The following TTC9C variants were observed in gnomAD, a reference collection of about 807,000 sequenced individuals.
TTC9C encodes the protein tetratricopeptide repeat protein 9C.
A neutral mutation model predicts 22.5 loss-of-function variants in TTC9C; 15 were observed. The ratio of observed to expected loss-of-function variants is 0.67; its 90% CI spans 0.45 to 1.03. The LOEUF is 1.03. Ranked by LOEUF, TTC9C falls within the 50% of genes least tolerant of loss-of-function variation. The pLI is 0.00. For synonymous variants in TTC9C, 92 were observed against 86.8 expected, an observed-to-expected ratio of 1.06 and a Z score of -0.33; for missense variants, 244 against 214.6, an observed-to-expected ratio of 1.14 and a Z score of -0.86.
intron 1 of TTC9C, among the ~76,000 whole-genome samples, chr11:62,731,596 G>A (rs2083850182): frequency 6.6e-6 from 1 of 152,124 alleles, no homozygotes; most frequent in African/African-American, 2.4e-5. Context: ...GTAAGACTCT[G>A]TCCCCCGATT....
chr11:62,728,399 A>C (rs2083789158), upstream of TTC9C: 1 of 392,234 alleles, frequency 2.5e-6, no homozygotes, highest in South Asian at 1.8e-5. Flanking sequence ...AATTGCTTGA[A>C]GCCCTCTGGA....
intron 1 of TTC9C, among the ~76,000 whole-genome samples, chr11:62,734,471 C>G (rs2134815470): frequency 6.6e-6 from 1 of 152,158 alleles, no homozygotes; most frequent in South Asian, 2.1e-4. Flanking sequence ...ATGGGTAATC[C>G]CAGCTACTCG....
intron 1 of TTC9C, among the ~76,000 whole-genome samples, chr11:62,730,144 C>T (rs1243812257): frequency 6.6e-6 from 1 of 151,254 alleles, no homozygotes; most frequent in East Asian, 2.0e-4. Flanking sequence ...GGCACGATCT[C>T]GGCTCACTGC....
chr11:62,735,469 A>G lies in TTC9C; in HGVS notation c.326A>G (p.Lys109Arg), dbSNP rs1467795118. 1.2e-6 allele frequency: 2 copies of G among 1,614,012 alleles called. No homozygotes were observed. Among genetic ancestry groups the G allele is most frequent in the Admixed American group, 1.7e-5 (1 of 59,994 alleles). Residue 109 changes from lysine (K) to arginine (R), a missense_variant, in exon 2 of 3, where the codon AAG (lysine) becomes AGG (arginine). Lys to Arg is a conservative substitution (Grantham distance 26, BLOSUM62 2). Coordinates refer to ENST00000316461, the MANE Select transcript of TTC9C (RefSeq NM_173810.4). Reference sequence around the variant, plus strand: ...CTGGAACGACAGCCTGATAATGCCAAGGCCTTGTATCGGGCCGGAGTGGCC... The same window carrying G: ...CTGGAACGACAGCCTGATAATGCCAGGGCCTTGTATCGGGCCGGAGTGGCC... ...KVLERQPDNAKALYRAGVAFF... is the reference protein window; with the variant it reads ...KVLERQPDNARALYRAGVAFF...
chr11:62,728,712 G>T lies in TTC9C; in HGVS notation c.-137G>T. The T allele has an allele frequency of 1.2e-6, 1 of 842,212 alleles. No individual in the cohort carries two copies. Among genetic ancestry groups the T allele is most frequent in the Non-Finnish European group, 2.0e-6 (1 of 508,618 alleles). The allele number at this position is 842,212 out of a possible 1,614,324, so 52.2% of individuals were successfully genotyped here. A position where few individuals can be genotyped will look rare whatever the true frequency, so the allele number is the denominator to read the frequency against. On this transcript the variant is annotated 5_prime_UTR_variant, in exon 1 of 3. Coordinates refer to ENST00000316461, the MANE Select transcript of TTC9C (RefSeq NM_173810.4). Reference sequence around the variant, plus strand: ...AGAAACAAGCAAACCGCAGGTCCCTGTGGGGGGACTCTCCAGGAAGAAGGG... The same window carrying T: ...AGAAACAAGCAAACCGCAGGTCCCTTTGGGGGGACTCTCCAGGAAGAAGGG...
intron 1 of TTC9C, among the ~76,000 whole-genome samples, chr11:62,731,989 C>CTTTT (rs58705402): frequency 2.2e-4 from 14 of 63,226 alleles, no homozygotes; most frequent in Non-Finnish European, 3.5e-4. Flanking sequence ...CTGGTCAGCA[C>CTTTT]TTTTTTTTTT....
chr11:62,735,696 C>G, intron 2 of TTC9C, 132 bp downstream of exon 2: 1 of 1,394,880 alleles, frequency 7.2e-7, no homozygotes, highest in South Asian at 1.6e-5. Context: ...GTTGAGAATT[C>G]GAACTGAAAA....
chr11:62,730,395 G>A (rs891016104), intron 1 of TTC9C, among the ~76,000 whole-genome samples: 1 of 151,664 alleles, frequency 6.6e-6, no homozygotes, highest in Non-Finnish European at 1.5e-5. Flanking sequence ...TATTTATTGA[G>A]TGCCTATAAC....
Position 62,735,518 on chromosome 11 carries a change from C to T in TTC9C, c.375C>T (p.Asp125=). 6.2e-7 allele frequency: 1 copy of T among 1,605,198 alleles called. No individual in the cohort carries two copies. The highest frequency in any genetic ancestry group is 8.5e-7 in the Non-Finnish European group (1 of 1,174,812). The change falls in exon 2 of 3, where the codon GAC becomes GAT. Residue 125 remains aspartate (D), a synonymous_variant. Coordinates refer to ENST00000316461, the MANE Select transcript of TTC9C (RefSeq NM_173810.4). ...CCTTTTTCCATCTGCAGGACTATGA[C>T]CAGGCCCGCCACTACCTCCTGGCTG... ...GVAFFHLQDY[D]QARHYLLAAV...
intron 1 of TTC9C, among the ~76,000 whole-genome samples, chr11:62,732,057 G>A (rs373501943): frequency 7.1e-6 from 1 of 141,410 alleles, no homozygotes; most frequent in Non-Finnish European, 1.5e-5. Context: ...CGTCAGTGGC[G>A]CAATTCTGGC....
intron 2 of TTC9C, 92 bp from the exon 3 acceptor site, chr11:62,738,196 G>C: frequency 1.4e-6 from 1 of 698,160 alleles, no homozygotes; most frequent in Non-Finnish European, 2.4e-6. Context: ...TTTTAAAATG[G>C]GAGCATGTTA....
chr11:62,732,460 A>G (rs1170997193), intron 1 of TTC9C, among the ~76,000 whole-genome samples: 1 of 152,074 alleles, frequency 6.6e-6, no homozygotes, highest in Non-Finnish European at 1.5e-5. Context: ...ATACAAAAAA[A>G]TTAGCCAGGC....
chr11:62,730,895 A>T (rs553080792), intron 1 of TTC9C, among the ~76,000 whole-genome samples: 77 of 136,980 alleles, frequency 5.6e-4, no homozygotes, highest in African/African-American at 1.1e-3. Context: ...TTATTTATTT[A>T]TTTTTTTTTT....
rs989902875 is a variant in TTC9C, at chr11:62,730,318, G to A, written c.238+1232G>A. ...CTGGATTCCTGACCTCAGGTGATTC[G>A]CCCGCCTCGGCCTCGCAAAGTGCTG... On this transcript the variant is annotated intron_variant, in intron 1 of 2. Coordinates refer to ENST00000316461, the MANE Select transcript of TTC9C (RefSeq NM_173810.4). 2.0e-4 allele frequency among the ~76,000 whole-genome samples: 30 copies of A among 151,950 alleles called. 1 individual carries two copies. Among genetic ancestry groups the A allele is most frequent in the Non-Finnish European group, 1.6e-4 (11 of 67,978 alleles).
rs1020959753 is a variant in TTC9C, at chr11:62,728,505, C to A, written c.-344C>A. On this transcript the variant is annotated 5_prime_UTR_variant, in exon 1 of 3. Coordinates refer to ENST00000316461, the MANE Select transcript of TTC9C (RefSeq NM_173810.4). ...GAAGCCAGTGTCCCAGGCGTTCTCACGCCCGCAACAATTCCTGAGTAGGGC... is the reference window on the plus strand; with the variant it reads ...GAAGCCAGTGTCCCAGGCGTTCTCAAGCCCGCAACAATTCCTGAGTAGGGC... 11 of 484,730 alleles carry A rather than the reference C, an allele frequency of 2.3e-5. No homozygotes were observed. In the Admixed American group the frequency reaches 2.5e-4, roughly 11 times the overall value. The allele number at this position is 484,730 out of a possible 1,614,324, so 30.0% of individuals were successfully genotyped here.
intron 1 of TTC9C, among the ~76,000 whole-genome samples, chr11:62,731,829 C>A (rs1482756913): frequency 6.6e-6 from 1 of 151,242 alleles, no homozygotes; most frequent in African/African-American, 2.4e-5. Flanking sequence ...CTACAGGCGC[C>A]CACCACCACG....
chr11:62,731,989 CT>C (rs58705402), intron 1 of TTC9C, among the ~76,000 whole-genome samples: 2,952 of 63,276 alleles, frequency 0.047, 43 homozygotes, highest in African/African-American at 0.15. Flanking sequence ...CTGGTCAGCA[CT>C]TTTTTTTTTT....
Position 62,738,597 on chromosome 11 carries a change from T to C in TTC9C, c.*215T>C, listed in dbSNP as rs764129835. The C allele has an allele frequency of 1.9e-4, 81 of 415,824 alleles. No individual in the cohort carries two copies. Among genetic ancestry groups the C allele is most frequent in the Non-Finnish European group, 3.3e-4 (75 of 229,050 alleles). The allele number at this position is 415,824 out of a possible 1,614,324, so 25.8% of individuals were successfully genotyped here. A position where few individuals can be genotyped will look rare whatever the true frequency, so the allele number is the denominator to read the frequency against. On this transcript the variant is annotated 3_prime_UTR_variant, in exon 3 of 3. Coordinates refer to ENST00000316461, the MANE Select transcript of TTC9C (RefSeq NM_173810.4). Reference sequence around the variant, plus strand: ...CTATACCTTTCAATACATGTTATTGTTGCAGATATTTGGCTTGAGAAATAT... The same window carrying C: ...CTATACCTTTCAATACATGTTATTGCTGCAGATATTTGGCTTGAGAAATAT...
chr11:62,737,845 A>G (rs1032434289), intron 2 of TTC9C, among the ~76,000 whole-genome samples: 4 of 152,274 alleles, frequency 2.6e-5, no homozygotes, highest in African/African-American at 9.6e-5. Flanking sequence ...AGCTTGGCCA[A>G]CATGGTGAAA....
Sources: gnomAD v4.1 joint callset for allele counts (sites outside exome capture counted in the v4.1 genomes callset) on GRCh38, gnomAD v4.1.1 for gene constraint, MANE v1.5 for transcripts, NCBI Gene and HGNC (gene_info 2026-07-23, HGNC 2026-07-21) for gene names.